Variants in MECOM observed in about 807,000 individuals in gnomAD.
The protein encoded by MECOM is histone-lysine N-methyltransferase MECOM.
In MECOM, 13 loss-of-function variants were observed where a neutral mutation model predicts 116.3. The observed-to-expected ratio is 0.11, with a 90% CI of 0.07 to 0.18. The LOEUF (loss-of-function observed/expected upper bound fraction) is 0.18. Ranked by LOEUF, MECOM falls within the 10% of genes least tolerant of loss-of-function variation. The probability of loss-of-function intolerance (pLI) is 1.00; values close to 1 mark genes in which losing one functional copy is unlikely to be tolerated. For missense variants in MECOM, 1,299 were observed against 1,509.0 expected, an observed-to-expected ratio of 0.86 and a Z score of 2.31; for synonymous variants, 528 against 535.2, an observed-to-expected ratio of 0.99 and a Z score of 0.19.
chr3:169,524,039 A>AAT (rs10575336), intron 1 of MECOM, among the ~76,000 whole-genome samples: 45,062 of 137,856 alleles, frequency 0.33, 7,655 homozygotes, highest in Non-Finnish European at 0.41. Flanking sequence ...TATATGAATA[A>AAT]ATATATATAT....
chr3:169,581,050 A>C (rs1162487974), intron 1 of MECOM, among the ~76,000 whole-genome samples: 2 of 152,206 alleles, frequency 1.3e-5, no homozygotes, highest in Non-Finnish European at 2.9e-5. Context: ...GAAGATTCTG[A>C]AGGAAAATAA....
At chr3:169,233,520 T>C (rs889310243) in intron 2 of MECOM, among the ~76,000 whole-genome samples, 5 of 152,162 alleles carry the variant, frequency 3.3e-5, no homozygotes, top group Non-Finnish European at 5.9e-5. Context: ...TCTGTTTTTT[T>C]CTCATATAAA....
chr3:169,180,492 G>A (rs1330942626), intron 2 of MECOM, among the ~76,000 whole-genome samples: 1 of 151,994 alleles, frequency 6.6e-6, no homozygotes, highest in Non-Finnish European at 1.5e-5. Flanking sequence ...TACCTGATAA[G>A]AAATGATTTC....
chr3:169,451,240 A>C (rs930129293), intron 1 of MECOM, among the ~76,000 whole-genome samples: 21 of 139,652 alleles, frequency 1.5e-4, no homozygotes, highest in African/African-American at 5.1e-4. Context: ...TTTAGACTTT[A>C]TTTAAGATGG....
chr3:169,301,672 G>C (rs1045545055), intron 2 of MECOM, among the ~76,000 whole-genome samples: 1 of 152,160 alleles, frequency 6.6e-6, no homozygotes, highest in Non-Finnish European at 1.5e-5. Context: ...TAATTACCAA[G>C]AGGTAAGATG....
At chr3:169,202,693 A>C (rs1749325425) in intron 2 of MECOM, among the ~76,000 whole-genome samples, 1 of 151,890 alleles carries the variant, frequency 6.6e-6, no homozygotes, top group African/African-American at 2.4e-5. Context: ...GTAAGAGTAC[A>C]TCAATGTCCA....
rs543606860 is a variant in MECOM, at chr3:169,526,245, G to A, written c.37+137091C>T. Among the ~76,000 whole-genome samples, 5 of 152,220 alleles carry A rather than the reference G, an allele frequency of 3.3e-5. 1 individual carries two copies. The highest frequency in any genetic ancestry group is 1.2e-4 in the African/African-American group (5 of 41,532). The stretch of plus-strand genomic sequence containing the variant: ...AGAGCCTTTTTCCAGATAGGCGTTT[G>A]AGTAAGCCAGTCAGGTTCCTGGACA... On this transcript the variant is annotated intron_variant, in intron 1 of 16. Transcript: ENST00000651503.
At chr3:169,268,586 A>G (rs1016658605) in intron 2 of MECOM, among the ~76,000 whole-genome samples, 1 of 152,246 alleles carries the variant, frequency 6.6e-6, no homozygotes, top group African/African-American at 2.4e-5. Flanking sequence ...ATCAGTGAAC[A>G]AGCTTGCTAA....
At chr3:169,121,033 G>T (rs751387763) in intron 7 of MECOM, 23 bp downstream of exon 7, 24 of 1,586,352 alleles carry the variant, frequency 1.5e-5, no homozygotes, top group Admixed American at 6.8e-5. Flanking sequence ...GTGGGAAGGA[G>T]GGCTGGAGTG....
intron 1 of MECOM, among the ~76,000 whole-genome samples, chr3:169,475,183 T>C (rs1750148905): frequency 1.3e-5 from 2 of 152,188 alleles, no homozygotes; most frequent in Admixed American, 1.3e-4. Flanking sequence ...TATAATTCTA[T>C]AGGGGAAAAA....
intron 1 of MECOM, among the ~76,000 whole-genome samples, chr3:169,577,640 G>A (rs1411576175): frequency 6.6e-6 from 1 of 152,146 alleles, no homozygotes; most frequent in Admixed American, 6.5e-5. Context: ...TGATCCGACA[G>A]TGCCTAGAAG....
intron 1 of MECOM, among the ~76,000 whole-genome samples, chr3:169,411,447 G>A (rs571463276): frequency 4.6e-5 from 7 of 152,296 alleles, no homozygotes; most frequent in Non-Finnish European, 7.3e-5. Flanking sequence ...CATGGACTCA[G>A]CTTGCAGGTT....
chr3:169,107,373 T>C (rs1362459287), intron 10 of MECOM, among the ~76,000 whole-genome samples: 9 of 152,126 alleles, frequency 5.9e-5, no homozygotes, highest in Non-Finnish European at 4.4e-5. Context: ...TAACTGAAAG[T>C]CAAGGAAGTG....
In MECOM at chr3:169,611,888, T is replaced by C. The variant is rs1421002; in HGVS notation, c.37+51448A>G. Among the ~76,000 whole-genome samples, 70,444 of 152,006 alleles carry C rather than the reference T, an allele frequency of 0.46. 16,497 individuals are homozygous for C. The highest frequency in any genetic ancestry group is 0.48 in the Non-Finnish European group (32,494 of 67,976). On this transcript the variant is annotated intron_variant, in intron 1 of 16. Transcript: ENST00000651503. The surrounding 1 kb of genome is among the most constrained non-coding windows in gnomAD (Gnocchi z 4.1). Reference sequence around the variant, plus strand: ...TAGCTGGAAATCATAATATCTATGATCCTCCAGAGTCTAGAACACGGTTTC... The same window carrying C: ...TAGCTGGAAATCATAATATCTATGACCCTCCAGAGTCTAGAACACGGTTTC...
chr3:169,256,095 T>C (rs1350803583), intron 2 of MECOM, among the ~76,000 whole-genome samples: 2 of 152,208 alleles, frequency 1.3e-5, no homozygotes, highest in African/African-American at 4.8e-5. Flanking sequence ...TCTTCAAAAA[T>C]ACTTAGCTTC....
At chr3:169,333,817 G>A (rs1394744502) in intron 2 of MECOM, among the ~76,000 whole-genome samples, 1 of 151,218 alleles carries the variant, frequency 6.6e-6, no homozygotes, top group East Asian at 1.9e-4. Context: ...CTACTTTTTT[G>A]TCTTTTCTTC....
intron 2 of MECOM, among the ~76,000 whole-genome samples, chr3:169,188,151 TC>T (rs1747015292): frequency 6.6e-6 from 1 of 152,106 alleles, no homozygotes; most frequent in Non-Finnish European, 1.5e-5. Flanking sequence ...AATGCAATTC[TC>T]TCTCAATACC....
intron 2 of MECOM, among the ~76,000 whole-genome samples, chr3:169,233,008 G>A (rs931220175): frequency 5.9e-5 from 9 of 152,022 alleles, no homozygotes; most frequent in South Asian, 4.1e-4. Context: ...GGGGTTCTTC[G>A]TAGACCGAGC....
intron 9 of MECOM, among the ~76,000 whole-genome samples, chr3:169,111,699 T>C (rs1021295716): frequency 1.3e-5 from 2 of 152,122 alleles, no homozygotes; most frequent in African/African-American, 4.8e-5. Context: ...GAGAGTTCTT[T>C]AGTAATAGTA....
Sources: allele counts gnomAD v4.1 joint callset (sites outside exome capture counted in the v4.1 genomes callset), GRCh38; gene constraint gnomAD v4.1.1; non-coding constraint Gnocchi (gnomAD v3.1); transcripts MANE v1.5; gene names NCBI Gene and HGNC (gene_info 2026-07-23, HGNC 2026-07-21).